SYT17: variants seen among roughly 807,000 people sequenced by gnomAD.
SYT17 encodes synaptotagmin-17.
Under a neutral mutation model 46.7 loss-of-function variants are expected in SYT17, and 22 were observed. The observed-to-expected ratio is 0.47, with a 90% confidence interval of 0.34 to 0.67. The LOEUF is 0.67. Ranked by LOEUF, SYT17 falls within the 30% of genes least tolerant of loss-of-function variation. The pLI, the probability that SYT17 is intolerant of heterozygous loss-of-function variation, is 0.01. For missense variants in SYT17, 519 were observed against 612.8 expected (o/e 0.85, Z 1.62); for synonymous variants, 251 against 248.4 (o/e 1.01, Z -0.10).
intron 7 of SYT17, chr16:19,249,859 G>T: frequency 7.1e-7 from 1 of 1,414,462 alleles, no homozygotes; most frequent in Non-Finnish European, 9.4e-7. Context: ...GTCACTGGGG[G>T]CTCCATACTT....
At position 19,249,878 on chromosome 16, in the gene SYT17, G is replaced by A. The variant is rs973079569; in HGVS notation, c.1229-17002G>A. The A allele has an allele frequency of 4.0e-6, 6 of 1,501,222 alleles. No individual in the cohort carries two copies. The Admixed American group carries it at 6.5e-5, about 16-fold the overall frequency. 93.0% of individuals were successfully genotyped at this position (1,501,222 alleles called of 1,614,324 possible). ...CTGGGGGCTCCATACTTTCATCCAG[G>A]TCGTCTTGTCTTGCTCACTCCCTTG... On this transcript the variant is annotated intron_variant, in intron 7 of 7. Transcript: ENST00000355377.
intron 5 of SYT17, among the ~76,000 whole-genome samples, chr16:19,188,991 A>T (rs914777184): frequency 6.6e-6 from 1 of 151,912 alleles, no homozygotes; most frequent in Admixed American, 6.6e-5. Context: ...GGTTCACGCC[A>T]TTCTCCTGGC....
chr16:19,195,400 C>A lies in SYT17; in HGVS notation c.951+11253C>A, dbSNP rs34987584. 4.3e-5 allele frequency among the ~76,000 whole-genome samples: 6 copies of A among 139,974 alleles called. No homozygotes were observed. In the South Asian group the frequency reaches 1.2e-3, roughly 27 times the overall value. 91.8% of individuals were successfully genotyped at this position (139,974 alleles called of 152,430 possible). On this transcript the variant is annotated intron_variant, in intron 5 of 7. Coordinates refer to ENST00000355377, the MANE Select transcript of SYT17 (RefSeq NM_016524.4). ...AAAATCAAAACAAAACAAAACAAAC[C>A]TTTTTTTTTTTTTTTTAAGAGATTG...
chr16:19,180,522 T>G lies in SYT17; in HGVS notation c.314T>G (p.Leu105Arg). The change falls in exon 4 of 8, where the codon CTG becomes CGG. Residue 105 changes from leucine to arginine, a missense_variant. By Grantham distance (102) the Leu-to-Arg change is moderately radical. Transcript: ENST00000355377. Reference sequence around the variant, plus strand: ...GACACATCCAAGTCTACATACAGCCTGACGCGGAGGATTTCGAGTAAGTAT... The same window carrying G: ...GACACATCCAAGTCTACATACAGCCGGACGCGGAGGATTTCGAGTAAGTAT... ...SSDTSKSTYSLTRRISSLESR... is the reference protein window; with the variant it reads ...SSDTSKSTYSRTRRISSLESR... 6.2e-7 allele frequency: 1 copy of G among 1,614,166 alleles called. No homozygotes were observed. The highest frequency in any genetic ancestry group is 8.5e-7 in the Non-Finnish European group (1 of 1,180,036).
At chr16:19,242,674 T>C (rs547289798) in intron 7 of SYT17, among the ~76,000 whole-genome samples, 1 of 152,074 alleles carries the variant, frequency 6.6e-6, no homozygotes, top group African/African-American at 2.4e-5. Flanking sequence ...TATAGGTGTG[T>C]GCCACCATGC....
intron 5 of SYT17, among the ~76,000 whole-genome samples, chr16:19,185,571 C>T (rs1382456992): frequency 6.6e-6 from 1 of 152,026 alleles, no homozygotes; most frequent in Non-Finnish European, 1.5e-5. Flanking sequence ...CCAGCTCACT[C>T]CAGCCTGGTT....
intron 3 of SYT17, among the ~76,000 whole-genome samples, chr16:19,178,818 T>C (rs999712477): frequency 2.0e-5 from 3 of 152,156 alleles, no homozygotes; most frequent in Admixed American, 1.3e-4. Flanking sequence ...CCAGCTGTTT[T>C]TCTACCTCCT....
chr16:19,236,357 A>G (rs1435114528), intron 7 of SYT17, among the ~76,000 whole-genome samples: 2 of 152,110 alleles, frequency 1.3e-5, no homozygotes, highest in Non-Finnish European at 2.9e-5. Flanking sequence ...GATCTATTTT[A>G]TGATCATTTT....
intron 7 of SYT17, among the ~76,000 whole-genome samples, chr16:19,260,138 G>T (rs1213161883): frequency 1.3e-5 from 2 of 151,880 alleles, no homozygotes; most frequent in Admixed American, 1.3e-4. Context: ...TGCAGATAAA[G>T]CCTCTAGATA....
In SYT17 at chr16:19,183,543, G is replaced by A. The variant is rs766178839; in HGVS notation, c.347G>A (p.Arg116His). Residue 116 changes from arginine (R) to histidine (H), a missense_variant, in exon 5 of 8, where the codon CGT (arginine) becomes CAT (histidine). Arg to His is a conservative substitution (Grantham distance 29). Transcript: ENST00000355377. The surrounding 1 kb of genome is among the most constrained non-coding windows in gnomAD (Gnocchi z 5.6). The part of the protein sequence containing the change: ...TRRISSLESR[R>H]PSSPLIDIKP... ...TGGCTCTCAGGTCTTGAGTCAAGAC[G>A]TCCCAGCTCTCCACTCATCGATATT... The A allele has an allele frequency of 1.7e-5, 28 of 1,614,004 alleles. No homozygotes were observed. In the East Asian group the frequency reaches 3.1e-4, roughly 18 times the overall value.
At chr16:19,169,222 G>A (rs867300132) in intron 1 of SYT17, among the ~76,000 whole-genome samples, 20 of 152,248 alleles carry the variant, frequency 1.3e-4, no homozygotes, top group South Asian at 4.1e-4. Context: ...CGCTGCATTG[G>A]GGTCTGGGAG....
intron 7 of SYT17, among the ~76,000 whole-genome samples, chr16:19,244,359 G>T (rs1967370493): frequency 1.3e-5 from 2 of 151,810 alleles, no homozygotes; most frequent in Non-Finnish European, 2.9e-5. Context: ...TTTGAGACAG[G>T]GTCTTGCTCT....
intron 4 of SYT17, among the ~76,000 whole-genome samples, chr16:19,181,807 C>T (rs970175167): frequency 6.6e-6 from 1 of 151,558 alleles, no homozygotes; most frequent in African/African-American, 2.4e-5. Context: ...CGAGACCAGC[C>T]TGGCTAACAT....
chr16:19,204,296 C>G (rs146727394), intron 5 of SYT17, among the ~76,000 whole-genome samples: 39 of 152,218 alleles, frequency 2.6e-4, no homozygotes, highest in Non-Finnish European at 4.7e-4. Flanking sequence ...TTGAGAACCA[C>G]TGATTTGAGA....
intron 7 of SYT17, among the ~76,000 whole-genome samples, chr16:19,227,067 C>T (rs924239449): frequency 2.0e-5 from 3 of 152,084 alleles, no homozygotes; most frequent in Admixed American, 1.3e-4. Context: ...CTTAGGTTTT[C>T]TCAGCTGTAA....
At chr16:19,184,396 GTTTT>G (rs373284896) in intron 5 of SYT17, among the ~76,000 whole-genome samples, 75 of 142,888 alleles carry the variant, frequency 5.2e-4, no homozygotes, top group African/African-American at 1.8e-3. Context: ...GATTTCAGTA[GTTTT>G]TTTTTTTTTT....
At position 19,232,288 on chromosome 16, in the gene SYT17, G is replaced by C. The variant is rs145653967; in HGVS notation, c.1228+7450G>C. Reference sequence around the variant, plus strand: ...CACGCCTCAATTTTTGCCAACCCTTGGTGTCTCTCTAAGACTAGAGAATAT... The same window carrying C: ...CACGCCTCAATTTTTGCCAACCCTTCGTGTCTCTCTAAGACTAGAGAATAT... On this transcript the variant is annotated intron_variant, in intron 7 of 7. Transcript: ENST00000355377. 4.5e-3 allele frequency among the ~76,000 whole-genome samples: 684 copies of C among 152,222 alleles called. 5 individuals carry two copies. Among genetic ancestry groups the C allele is most frequent in the African/African-American group, 0.016 (664 of 41,532 alleles).
intron 5 of SYT17, among the ~76,000 whole-genome samples, chr16:19,216,198 G>C (rs1966089189): frequency 6.6e-6 from 1 of 152,008 alleles, no homozygotes; most frequent in South Asian, 2.1e-4. Context: ...TGTTCCATCT[G>C]TATGGGGCAC....
chr16:19,231,500 G>A (rs1309055635), intron 7 of SYT17, among the ~76,000 whole-genome samples: 1 of 97,300 alleles, frequency 1.0e-5, no homozygotes, highest in Non-Finnish European at 1.9e-5. Flanking sequence ...TCCAGCCTGG[G>A]CAACAAGAGT....
Sources: gnomAD v4.1 joint callset for allele counts (sites outside exome capture counted in the v4.1 genomes callset) on GRCh38, gnomAD v4.1.1 for gene constraint, Gnocchi (gnomAD v3.1) non-coding constraint, MANE v1.5 for transcripts, NCBI Gene and HGNC (gene_info 2026-07-23, HGNC 2026-07-21) for gene names.